Variants in CCDC194 observed in about 807,000 individuals in gnomAD.
The protein encoded by CCDC194 is coiled-coil domain-containing protein 194.
In CCDC194, 8 loss-of-function variants were observed where a neutral mutation model predicts 4.9. The ratio of observed to expected loss-of-function variants is 1.65; its 90% confidence interval spans 0.97 to 2.97. The LOEUF is 2.97. Ranked by LOEUF, CCDC194 falls within the 30% of genes most tolerant of loss-of-function variation. The pLI is 0.00. For missense variants in CCDC194, 52 were observed against 43.1 expected (o/e 1.21, Z -0.58); for synonymous variants, 13 against 17.0 (o/e 0.76, Z 0.58).
chr19:17,388,094 GC>G (rs1380251542), downstream of CCDC194, among the ~76,000 whole-genome samples: 2 of 151,186 alleles, frequency 1.3e-5, no homozygotes, highest in Non-Finnish European at 2.9e-5. Flanking sequence ...CACCGTGTTA[GC>G]CAGGATGGTC....
rs1568381888 is a variant in CCDC194 at position 17,391,355 on chromosome 19, G to C, written c.422-12C>G. 7 of 448,908 alleles carry C rather than the reference G, an allele frequency of 1.6e-5. No individual in the cohort carries two copies. Among genetic ancestry groups the C allele is most frequent in the Non-Finnish European group, 2.7e-5 (7 of 257,288 alleles). 27.8% of individuals were successfully genotyped at this position (448,908 alleles called of 1,614,324 possible). ...GCGCGCCAGGGCCTCTGGGGGCGCAGGGAGCCGGGTCAGGCTGGAGACTCC... is the reference window on the plus strand; with the variant it reads ...GCGCGCCAGGGCCTCTGGGGGCGCACGGAGCCGGGTCAGGCTGGAGACTCC... On this transcript the variant is annotated splice_polypyrimidine_tract_variant and intron_variant, in intron 2 of 3. Coordinates refer to ENST00000636079, the Ensembl canonical transcript of CCDC194.
chr19:17,392,522 G>T (rs778341085), intron 1 of CCDC194, among the ~76,000 whole-genome samples: 1 of 152,150 alleles, frequency 6.6e-6, no homozygotes, highest in Non-Finnish European at 1.5e-5. Context: ...GCAATTTGAT[G>T]GTTGACAATG....
chr19:17,392,544 G>C (rs1190080227), intron 1 of CCDC194, among the ~76,000 whole-genome samples: 7 of 152,116 alleles, frequency 4.6e-5, no homozygotes, highest in Non-Finnish European at 8.8e-5. Context: ...TTGAATTTTT[G>C]GGGTATGTGT....
intron 2 of CCDC194, 159 bp downstream of exon 2, chr19:17,391,591 G>T: frequency 6.7e-7 from 1 of 1,485,422 alleles, no homozygotes; most frequent in Non-Finnish European, 9.0e-7. Flanking sequence ...TGTGACATTT[G>T]CATGGCCTCT....
chr19:17,391,641 T>C, intron 2 of CCDC194, 109 bp downstream of exon 2: 1 of 1,533,114 alleles, frequency 6.5e-7, no homozygotes, highest in Non-Finnish European at 8.7e-7. Context: ...TTTGCGTTTA[T>C]ATCCGTGTTA....
downstream of CCDC194, among the ~76,000 whole-genome samples, chr19:17,387,433 G>A (rs1005532053): frequency 2.6e-5 from 4 of 151,796 alleles, no homozygotes; most frequent in African/African-American, 4.8e-5. Context: ...ACACAAAAAC[G>A]GGGGCCGGGC....
downstream of CCDC194, among the ~76,000 whole-genome samples, chr19:17,389,431 T>G (rs777530629): frequency 5.9e-5 from 9 of 152,224 alleles, no homozygotes; most frequent in Admixed American, 5.2e-4. Context: ...TGATTCAACC[T>G]ACAGATTCTC....
At chr19:17,392,376 TGA>T (rs2074658139) in intron 1 of CCDC194, 2 of 151,864 alleles carry the variant, frequency 1.3e-5, no homozygotes, top group South Asian at 4.1e-4. Context: ...CTCAGGAGGC[TGA>T]GACAGGAGAA....
downstream of CCDC194, among the ~76,000 whole-genome samples, chr19:17,389,499 GA>G (rs201007645): frequency 2.0e-5 from 3 of 151,788 alleles, no homozygotes; most frequent in South Asian, 2.1e-4. Flanking sequence ...TGTACTCCCA[GA>G]AAAAAAACTA....
chr19:17,390,416 A>G (rs2074649547), downstream of CCDC194: 1 of 384,000 alleles, frequency 2.6e-6, no homozygotes, highest in South Asian at 1.4e-4. This position sits in a 1 kb window ranked among gnomAD's most constrained non-coding sequence, Gnocchi z 5.5. Context: ...TGAGTGTCGC[A>G]TCCAGCGTGG....
downstream of CCDC194, among the ~76,000 whole-genome samples, chr19:17,387,408 TAC>T (rs143974682): frequency 6.7e-5 from 10 of 150,188 alleles, no homozygotes; most frequent in East Asian, 1.9e-4. Flanking sequence ...CCCCAAGCCC[TAC>T]ACACACACAC....
downstream of CCDC194, among the ~76,000 whole-genome samples, chr19:17,388,193 C>CTTTTTTTTTTTTT (rs71162117): frequency 1.1e-5 from 1 of 92,112 alleles, no homozygotes; most frequent in African/African-American, 4.5e-5. Flanking sequence ...TCTTTTTTTC[C>CTTTTTTTTTTTTT]TTTTTTTTTT....
At chr19:17,393,069 C>T (rs1468488343) in intron 1 of CCDC194, among the ~76,000 whole-genome samples, 2 of 152,120 alleles carry the variant, frequency 1.3e-5, no homozygotes, top group Non-Finnish European at 2.9e-5. Flanking sequence ...CAGAGGTATA[C>T]AGTAGTCACT....
At chr19:17,389,804 A>C (rs572105757), downstream of CCDC194, among the ~76,000 whole-genome samples, 2 of 152,148 alleles carry the variant, frequency 1.3e-5, no homozygotes, top group Non-Finnish European at 2.9e-5. Flanking sequence ...GTCTCTACTA[A>C]AAATACAAAA....
chr19:17,389,647 A>C (rs769352852), downstream of CCDC194, among the ~76,000 whole-genome samples: 4 of 152,192 alleles, frequency 2.6e-5, no homozygotes, highest in Admixed American at 6.5e-5. Context: ...TGTCTCAGGC[A>C]TAAGTCACCT....
downstream of CCDC194, among the ~76,000 whole-genome samples, chr19:17,387,710 C>T (rs570181069): frequency 1.3e-5 from 2 of 151,808 alleles, no homozygotes; most frequent in South Asian, 2.1e-4. Context: ...AAAAGCAAGA[C>T]TCTATCTCAA....
At chr19:17,391,659 T>C (rs930891855) in intron 2 of CCDC194, 91 bp downstream of exon 2, 1 of 1,534,840 alleles carries the variant, frequency 6.5e-7, no homozygotes, top group Non-Finnish European at 8.7e-7. Flanking sequence ...TTATTTGCAT[T>C]ACGTTTGCAA....
intron 2 of CCDC194, 166 bp downstream of exon 2, chr19:17,391,584 G>C: frequency 1.4e-6 from 2 of 1,467,264 alleles, no homozygotes; most frequent in South Asian, 2.7e-5. Context: ...TTGTTTTTGT[G>C]ACATTTGCAT....
chr19:17,387,917 C>T (rs2074641351), downstream of CCDC194, among the ~76,000 whole-genome samples: 1 of 151,878 alleles, frequency 6.6e-6, no homozygotes, highest in African/African-American at 2.4e-5. Context: ...GACAGAGTCT[C>T]ACTCTGTCAC....
Sources: allele counts gnomAD v4.1 joint callset (sites outside exome capture counted in the v4.1 genomes callset), GRCh38; gene constraint gnomAD v4.1.1; non-coding constraint Gnocchi (gnomAD v3.1); transcripts MANE v1.5; gene names NCBI Gene and HGNC (gene_info 2026-07-23, HGNC 2026-07-21).